Variants in FSTL4 observed in about 807,000 individuals in gnomAD.
FSTL4 encodes follistatin-related protein 4.
FSTL4 carries 28 observed loss-of-function variants against 78.2 expected under a neutral mutation model. The observed-to-expected ratio is 0.36, with a 90% CI of 0.27 to 0.49. The LOEUF is 0.49. Ranked by LOEUF, FSTL4 falls within the 20% of genes least tolerant of loss-of-function variation. FSTL4 has a pLI of 0.98. For missense variants in FSTL4, 922 were observed against 1,084.9 expected (o/e 0.85, Z 2.11); for synonymous variants, 422 against 440.5 (o/e 0.96, Z 0.53).
chr5:133,395,725 C>T (rs981634665), intron 4 of FSTL4, among the ~76,000 whole-genome samples: 3 of 140,108 alleles, frequency 2.1e-5, no homozygotes, highest in South Asian at 4.1e-4. Flanking sequence ...TGCCTGTACT[C>T]CTAGAAAGCC....
intron 3 of FSTL4, among the ~76,000 whole-genome samples, chr5:133,471,830 C>T (rs546893738): frequency 5.3e-5 from 8 of 152,236 alleles, no homozygotes; most frequent in East Asian, 3.9e-4. Context: ...AAAAGTATGA[C>T]GGTGTGGTTT....
intron 3 of FSTL4, among the ~76,000 whole-genome samples, chr5:133,405,930 T>C (rs1486955601): frequency 2.6e-5 from 4 of 152,248 alleles, no homozygotes; most frequent in Non-Finnish European, 2.9e-5. Flanking sequence ...AAATATTTAC[T>C]GAGCACCTGC....
chr5:133,410,430 C>T (rs1297480314), intron 3 of FSTL4, among the ~76,000 whole-genome samples: 2 of 152,192 alleles, frequency 1.3e-5, no homozygotes, highest in African/African-American at 2.4e-5. Flanking sequence ...CGCTGATGCG[C>T]CACTACGTGG....
intron 3 of FSTL4, among the ~76,000 whole-genome samples, chr5:133,566,829 T>C (rs1760036782): frequency 6.6e-6 from 1 of 152,246 alleles, no homozygotes; most frequent in African/African-American, 2.4e-5. Context: ...CCACAAACCA[T>C]AGGCCATTTT....
At chr5:133,379,556 T>C (rs1176565589) in intron 4 of FSTL4, among the ~76,000 whole-genome samples, 1 of 152,184 alleles carries the variant, frequency 6.6e-6, no homozygotes, top group Non-Finnish European at 1.5e-5. Context: ...AATATGTTCA[T>C]CTACCACAAG....
the FSTL4 span, among the ~76,000 whole-genome samples, chr5:133,773,043 A>G: frequency 6.6e-6 from 1 of 152,098 alleles, no homozygotes; most frequent in African/African-American, 2.4e-5. Context: ...TCAATTGTTA[A>G]ATGGGAAAAA....
chr5:133,203,746 T>TGTC (rs1463775729), intron 14 of FSTL4, among the ~76,000 whole-genome samples: 1 of 152,228 alleles, frequency 6.6e-6, no homozygotes, highest in Non-Finnish European at 1.5e-5. Context: ...GTATCAGGCC[T>TGTC]GTCATTTTAG....
chr5:133,600,711 A>AC (rs1399658100), intron 2 of FSTL4, among the ~76,000 whole-genome samples: 12 of 152,352 alleles, frequency 7.9e-5, no homozygotes, highest in Middle Eastern at 6.8e-3. Context: ...ATTCTTATTT[A>AC]CCCTTAGGTC....
At chr5:133,377,420 G>C (rs1316564218) in intron 4 of FSTL4, among the ~76,000 whole-genome samples, 2 of 149,936 alleles carry the variant, frequency 1.3e-5, no homozygotes, top group Admixed American at 6.6e-5. Context: ...TGGAGATTTT[G>C]GCCATGGGGC....
At chr5:133,788,502 C>T in the FSTL4 span, among the ~76,000 whole-genome samples, 1 of 152,206 alleles carries the variant, frequency 6.6e-6, no homozygotes, top group Non-Finnish European at 1.5e-5. Flanking sequence ...CCCAACTGGC[C>T]ACGGCCCTGA....
intron 2 of FSTL4, among the ~76,000 whole-genome samples, chr5:133,602,120 A>T (rs1760883274): frequency 6.6e-6 from 1 of 152,134 alleles, no homozygotes; most frequent in Admixed American, 6.5e-5. Flanking sequence ...CAAAAACAAA[A>T]GCTATAGCAA....
chr5:133,361,193 C>A lies in FSTL4; in HGVS notation c.409+39545G>T, dbSNP rs961119110. Among the ~76,000 whole-genome samples, 1 of 152,156 alleles carries A rather than the reference C, an allele frequency of 6.6e-6. No homozygotes were observed. Among genetic ancestry groups the A allele is most frequent in the East Asian group, 1.9e-4 (1 of 5,190 alleles). On this transcript the variant is annotated intron_variant, in intron 4 of 15. Transcript: ENST00000265342. This position sits in a 1 kb window ranked among gnomAD's most constrained non-coding sequence, Gnocchi z 4.3. ...CCTCTTCTCGCTCTAATAAACTTTTCAAGGAGGGGTCGCATTCCGACCCTG... is the reference window on the plus strand; with the variant it reads ...CCTCTTCTCGCTCTAATAAACTTTTAAAGGAGGGGTCGCATTCCGACCCTG...
the FSTL4 span, among the ~76,000 whole-genome samples, chr5:133,701,140 T>C: frequency 6.6e-6 from 1 of 152,168 alleles, no homozygotes; most frequent in African/African-American, 2.4e-5. Context: ...TGGTGGCTCA[T>C]GCATGTAAAC....
At chr5:133,814,874 T>A in the FSTL4 span, among the ~76,000 whole-genome samples, 1 of 152,222 alleles carries the variant, frequency 6.6e-6, no homozygotes, top group Non-Finnish European at 1.5e-5. Context: ...AACTGTGCCC[T>A]AAGTGTTTAT....
At chr5:133,381,615 T>C (rs2126953348) in intron 4 of FSTL4, among the ~76,000 whole-genome samples, 1 of 152,358 alleles carries the variant, frequency 6.6e-6, no homozygotes, top group East Asian at 1.9e-4. Context: ...GCCTAATTCC[T>C]AAAACACGGC....
chr5:133,414,400 T>C (rs746889589), intron 3 of FSTL4, among the ~76,000 whole-genome samples: 39 of 152,142 alleles, frequency 2.6e-4, no homozygotes, highest in Non-Finnish European at 4.9e-4. Flanking sequence ...TATAGGGGAC[T>C]GGGAGTGGGA....
At chr5:133,601,418 G>A (rs879851781) in intron 2 of FSTL4, among the ~76,000 whole-genome samples, 13 of 152,172 alleles carry the variant, frequency 8.5e-5, no homozygotes, top group Non-Finnish European at 1.3e-4. Flanking sequence ...AAGAGACCAG[G>A]TGTGACCAAG....
At chr5:133,574,555 T>C (rs1415645133) in intron 2 of FSTL4, among the ~76,000 whole-genome samples, 1 of 152,254 alleles carries the variant, frequency 6.6e-6, no homozygotes. Context: ...AAAATAACTA[T>C]TGTGACATCT....
At chr5:133,715,606 A>C in the FSTL4 span, among the ~76,000 whole-genome samples, 116 of 152,280 alleles carry the variant, frequency 7.6e-4, 1 homozygote, top group Admixed American at 2.8e-3. Flanking sequence ...TAGGCTGGTA[A>C]TGAAGGGACC....
Sources: gnomAD v4.1 joint callset for allele counts (sites outside exome capture counted in the v4.1 genomes callset) on GRCh38, gnomAD v4.1.1 for gene constraint, Gnocchi (gnomAD v3.1) non-coding constraint, MANE v1.5 for transcripts, NCBI Gene and HGNC (gene_info 2026-07-23, HGNC 2026-07-21) for gene names.